KIAA1671: variants seen among roughly 807,000 people sequenced by gnomAD.
The protein encoded by KIAA1671 is KIAA1671, also known as uncharacterized protein KIAA1671.
A neutral mutation model predicts 131.2 loss-of-function variants in KIAA1671; 52 were observed. The ratio of observed to expected loss-of-function variants is 0.40; its 90% CI spans 0.32 to 0.50. The LOEUF (loss-of-function observed/expected upper bound fraction) is 0.50, where lower values mean the gene tolerates loss of function less well. KIAA1671 is among the 20% of genes least tolerant of loss of function. The probability of loss-of-function intolerance (pLI) is 0.73; values close to 1 mark genes in which losing one functional copy is unlikely to be tolerated. For synonymous variants in KIAA1671, 1,003 were observed against 961.6 expected (o/e 1.04, Z -0.80); for missense variants, 2,360 against 2,364.2 (o/e 1.00, Z 0.04).
chr22:25,045,456 A>G (rs906760578), intron 5 of KIAA1671, among the ~76,000 whole-genome samples: 1 of 152,224 alleles, frequency 6.6e-6, no homozygotes, highest in Non-Finnish European at 1.5e-5. Flanking sequence ...TCCAGCCCCA[A>G]GTGTTTGCAG....
intron 1 of KIAA1671, among the ~76,000 whole-genome samples, chr22:24,960,654 CTTTTTTTTTTT>C (rs34901740): frequency 1.4e-5 from 1 of 71,540 alleles, no homozygotes; most frequent in Non-Finnish European, 2.5e-5. Context: ...TTTTCAGGTT[CTTTTTTTTTTT>C]TTTTTTTTTT....
intron 1 of KIAA1671, among the ~76,000 whole-genome samples, chr22:25,007,214 G>A (rs1343045912): frequency 6.6e-6 from 1 of 152,078 alleles, no homozygotes; most frequent in African/African-American, 2.4e-5. Context: ...TTAGCCAGGT[G>A]CGGTGGCTCA....
At position 25,045,456 on chromosome 22, in the gene KIAA1671, A is replaced by C. The variant is rs906760578; in HGVS notation, c.4396-3774A>C. On this transcript the variant is annotated intron_variant, in intron 5 of 12. Transcript: ENST00000358431. ...CACTGCAAAGAATGCTCCAGCCCCA[A>C]GTGTTTGCAGTTTGTAGGTTGAGGA... Among the ~76,000 whole-genome samples the C allele has an allele frequency of 2.8e-4, 42 of 152,342 alleles. 1 individual carries two copies. In the South Asian group the frequency reaches 7.9e-3, roughly 29 times the overall value.
chr22:25,091,465 C>A (rs924642578), intron 6 of KIAA1671, among the ~76,000 whole-genome samples: 1 of 152,184 alleles, frequency 6.6e-6, no homozygotes, highest in Non-Finnish European at 1.5e-5. Flanking sequence ...CTGCCAAAAA[C>A]AAAACTCTTC....
Position 25,040,212 on chromosome 22 carries a change from T to A in KIAA1671, c.3082T>A (p.Phe1028Ile), listed in dbSNP as rs1046201579. 22 of 1,551,574 alleles carry A rather than the reference T, an allele frequency of 1.4e-5. No homozygotes were observed. The highest frequency in any genetic ancestry group is 1.9e-5 in the Non-Finnish European group (22 of 1,147,026). ...GSPVEPKATFFAVTYQIPNTQ... is the reference protein window; with the variant it reads ...GSPVEPKATFIAVTYQIPNTQ... ...ACCTGTGGAACCCAAGGCGACATTT[T>A]TTGCAGTCACCTATCAGATTCCCAA... The change falls in exon 5 of 13, where the codon TTT (phenylalanine) becomes ATT (isoleucine). Residue 1028 changes from phenylalanine (F) to isoleucine (I), a missense_variant. Phe to Ile is a conservative substitution (Grantham distance 21). Transcript: ENST00000358431.
In KIAA1671 at chr22:25,000,431, G is replaced by T. The variant is rs1460480388; in HGVS notation, c.-207-25202G>T. Among the ~76,000 whole-genome samples, 5 of 103,320 alleles carry T rather than the reference G, an allele frequency of 4.8e-5. 1 individual carries two copies. The highest frequency in any genetic ancestry group is 8.1e-5 in the Non-Finnish European group (4 of 49,396). The allele number at this position is 103,320 out of a possible 152,430, so 67.8% of individuals were successfully genotyped here. Reference sequence around the variant, plus strand: ...GATGGTCTCGATCTCCTGACCTCGTGATCCGCCCGCCTCGGCCTCCCAAAG... The same window carrying T: ...GATGGTCTCGATCTCCTGACCTCGTTATCCGCCCGCCTCGGCCTCCCAAAG... On this transcript the variant is annotated intron_variant, in intron 1 of 12. Transcript: ENST00000358431.
At chr22:25,172,748 C>T (rs1405011852) in intron 7 of KIAA1671, among the ~76,000 whole-genome samples, 1 of 152,130 alleles carries the variant, frequency 6.6e-6, no homozygotes, top group Non-Finnish European at 1.5e-5. Flanking sequence ...ATTCCAATGA[C>T]CCAAGTGATA....
At chr22:24,977,900 G>A (rs1037243141) in intron 1 of KIAA1671, among the ~76,000 whole-genome samples, 3 of 152,064 alleles carry the variant, frequency 2.0e-5, no homozygotes, top group African/African-American at 7.2e-5. Context: ...AAACCAAAAC[G>A]CTAAAAATGT....
intron 6 of KIAA1671, chr22:25,058,678 A>G (rs190952162): frequency 1.1e-3 from 169 of 152,322 alleles, no homozygotes; most frequent in African/African-American, 4.0e-3. Context: ...ATCTGTTGTT[A>G]TAATGAACCA....
At chr22:25,038,277 C>T (rs998356555) in intron 4 of KIAA1671, among the ~76,000 whole-genome samples, 17 of 152,256 alleles carry the variant, frequency 1.1e-4, no homozygotes, top group African/African-American at 4.1e-4. Context: ...GCTGAGATTA[C>T]AGGCGTGAGC....
chr22:25,076,503 G>GA, intron 6 of KIAA1671, among the ~76,000 whole-genome samples: 1 of 152,168 alleles, frequency 6.6e-6, no homozygotes, highest in East Asian at 1.9e-4. Flanking sequence ...TCTGGGGGGA[G>GA]AAACCACTAT....
At chr22:25,102,248 C>T (rs1056475051) in intron 6 of KIAA1671, among the ~76,000 whole-genome samples, 21 of 152,178 alleles carry the variant, frequency 1.4e-4, no homozygotes, top group African/African-American at 4.8e-4. Context: ...GCGCCTGCTG[C>T]AGATGGACTG....
chr22:25,083,924 C>T (rs1262932721), intron 6 of KIAA1671, among the ~76,000 whole-genome samples: 1 of 152,222 alleles, frequency 6.6e-6, no homozygotes, highest in Non-Finnish European at 1.5e-5. Context: ...GCCCTGACCG[C>T]CCCTATTTGC....
Position 25,040,034 on chromosome 22 carries a change from C to T in KIAA1671, c.2904C>T (p.Asp968=). 1 of 1,551,714 alleles carries T rather than the reference C, an allele frequency of 6.4e-7. No homozygotes were observed. Among genetic ancestry groups the T allele is most frequent in the East Asian group, 2.4e-5 (1 of 40,906 alleles). The stretch of plus-strand genomic sequence containing the variant: ...CATTCAGTTCTCTTGTCCCAGAGGA[C>T]TCTCCACATGTGGGGCACAGACGAA... ...FDTFSSLVPE[D]SPHVGHRRTD... Residue 968 remains aspartate (D), a synonymous_variant, in exon 5 of 13, where the codon GAC becomes GAT. Coordinates refer to ENST00000358431, the MANE Select transcript of KIAA1671 (RefSeq NM_001145206.2).
chr22:25,048,785 C>T (rs1156314433), intron 5 of KIAA1671, among the ~76,000 whole-genome samples: 1 of 152,134 alleles, frequency 6.6e-6, no homozygotes, highest in Admixed American at 6.5e-5. Flanking sequence ...TGACCACTGG[C>T]AGTAATGAGG....
chr22:24,979,778 C>T (rs1163999841), intron 1 of KIAA1671, among the ~76,000 whole-genome samples: 1 of 152,104 alleles, frequency 6.6e-6, no homozygotes, highest in Non-Finnish European at 1.5e-5. Context: ...ATGAACAACG[C>T]CCCATCCCAT....
chr22:24,977,053 A>G (rs2123823060), intron 1 of KIAA1671, among the ~76,000 whole-genome samples: 1 of 152,290 alleles, frequency 6.6e-6, no homozygotes, highest in South Asian at 2.1e-4. Context: ...TAGTAGAACC[A>G]TCTCAGAGAG....
intron 11 of KIAA1671, among the ~76,000 whole-genome samples, chr22:25,190,185 A>C (rs955408042): frequency 1.3e-5 from 2 of 152,148 alleles, no homozygotes; most frequent in Admixed American, 1.3e-4. Flanking sequence ...TTCTGCAACT[A>C]GATGGTTCCA....
intron 1 of KIAA1671, among the ~76,000 whole-genome samples, chr22:24,988,735 C>CAA (rs133092): frequency 0.013 from 1,363 of 106,452 alleles, 10 homozygotes; most frequent in African/African-American, 0.018. Flanking sequence ...GACTCCATCT[C>CAA]AAAAAAAAAA....
Sources: gnomAD v4.1 joint callset for allele counts (sites outside exome capture counted in the v4.1 genomes callset) on GRCh38, gnomAD v4.1.1 for gene constraint, MANE v1.5 for transcripts, NCBI Gene and HGNC (gene_info 2026-07-23, HGNC 2026-07-21) for gene names.